Variants in FKBP5 observed in about 807,000 individuals in gnomAD.
FKBP5 encodes the protein FKBP prolyl isomerase 5, also known as peptidyl-prolyl cis-trans isomerase FKBP5.
In FKBP5, 23 loss-of-function variants were observed where a neutral mutation model predicts 50.5. The observed-to-expected ratio is 0.46, with a 90% CI of 0.33 to 0.65. The LOEUF (loss-of-function observed/expected upper bound fraction) is 0.65. FKBP5 is among the 30% of genes least tolerant of loss of function. The pLI is 0.02. For synonymous variants in FKBP5, 176 were observed against 190.6 expected (o/e 0.92, Z 0.63); for missense variants, 411 against 553.1 (o/e 0.74, Z 2.58).
At chr6:35,645,381 G>A (rs1396194672) in intron 1 of FKBP5, among the ~76,000 whole-genome samples, 3 of 152,162 alleles carry the variant, frequency 2.0e-5, no homozygotes, top group African/African-American at 7.2e-5. Flanking sequence ...GCAGTGAACT[G>A]TGATCATGCC....
intron 2 of FKBP5, among the ~76,000 whole-genome samples, chr6:35,702,616 C>A (rs912823502): frequency 2.6e-5 from 4 of 151,986 alleles, no homozygotes; most frequent in African/African-American, 4.8e-5. Flanking sequence ...CCACGCCCGG[C>A]TAATTTTTTG....
intron 5 of FKBP5, among the ~76,000 whole-genome samples, chr6:35,613,067 C>T (rs1763538694): frequency 6.6e-6 from 1 of 152,192 alleles, no homozygotes; most frequent in African/African-American, 2.4e-5. Context: ...TATCTGTCCC[C>T]TCCTCCATAC....
chr6:35,650,177 A>C (rs547609326), intron 1 of FKBP5, among the ~76,000 whole-genome samples: 7 of 151,922 alleles, frequency 4.6e-5, no homozygotes, highest in Non-Finnish European at 1.0e-4. Flanking sequence ...GTGAGACCCG[A>C]TCTCTGCTAA....
chr6:35,633,561 GA>G (rs77069045), intron 3 of FKBP5, among the ~76,000 whole-genome samples: 16 of 136,582 alleles, frequency 1.2e-4, no homozygotes, highest in Non-Finnish European at 1.8e-4. Flanking sequence ...AAAAAAAAAG[GA>G]AAAAAAAAAC....
At chr6:35,647,853 G>A (rs1414622328) in intron 1 of FKBP5, among the ~76,000 whole-genome samples, 2 of 152,192 alleles carry the variant, frequency 1.3e-5, no homozygotes, top group African/African-American at 2.4e-5. Context: ...CAGGGGCCTT[G>A]ATATTCTGGC....
chr6:35,696,093 C>T (rs1012772630), intron 2 of FKBP5, among the ~76,000 whole-genome samples: 6 of 137,584 alleles, frequency 4.4e-5, no homozygotes, highest in Non-Finnish European at 9.2e-5. Context: ...TGCGGTGAAC[C>T]GAGATCGTGC....
At position 35,668,284 on chromosome 6, in the gene FKBP5, T is replaced by C. The variant is rs563654361; in HGVS notation, c.-20+20520A>G. On this transcript the variant is annotated intron_variant, in intron 1 of 10. Transcript: ENST00000357266. ...TATGCTGGAAACAGCATCCCGGGAC[T>C]TTCCTCTGGGAAGCCCTGCTTCTCC... Among the ~76,000 whole-genome samples, 10 of 152,312 alleles carry C rather than the reference T, an allele frequency of 6.6e-5. No individual in the cohort carries two copies. In the South Asian group the frequency reaches 1.9e-3, roughly 28 times the overall value.
chr6:35,641,503 A>G (rs911589965), intron 2 of FKBP5, among the ~76,000 whole-genome samples: 3 of 152,220 alleles, frequency 2.0e-5, no homozygotes, highest in African/African-American at 7.2e-5. Context: ...TGGCACCACT[A>G]GGCCATAGGA....
At chr6:35,587,255 C>T in intron 7 of FKBP5, 138 bp from the exon 8 acceptor site, 1 of 749,126 alleles carries the variant, frequency 1.3e-6, no homozygotes, top group Non-Finnish European at 2.3e-6. Flanking sequence ...TGTGTCAGTG[C>T]CAATTTACTG....
At chr6:35,620,034 C>T in intron 4 of FKBP5, 98 bp downstream of exon 4, 1 of 1,433,004 alleles carries the variant, frequency 7.0e-7, no homozygotes, top group Non-Finnish European at 9.7e-7. Flanking sequence ...ATCTGATTCT[C>T]TATAGCAAGC....
At chr6:35,639,922 T>C (rs775655295) in intron 2 of FKBP5, among the ~76,000 whole-genome samples, 7 of 152,210 alleles carry the variant, frequency 4.6e-5, no homozygotes, top group Non-Finnish European at 8.8e-5. Context: ...AAAACTTACA[T>C]GTGTTAACAA....
chr6:35,626,059 G>A (rs1251343925), intron 3 of FKBP5, among the ~76,000 whole-genome samples: 2 of 152,060 alleles, frequency 1.3e-5, no homozygotes, highest in Non-Finnish European at 2.9e-5. Flanking sequence ...GATTACAGGC[G>A]TGAGCCACCG....
chr6:35,640,369 G>GC (rs1764449186), intron 2 of FKBP5, among the ~76,000 whole-genome samples: 1 of 151,970 alleles, frequency 6.6e-6, no homozygotes, highest in Non-Finnish European at 1.5e-5. Flanking sequence ...CATAGAAAAA[G>GC]GTACAGTAAT....
intron 2 of FKBP5, among the ~76,000 whole-genome samples, chr6:35,698,213 A>G (rs186735047): frequency 4.3e-4 from 66 of 152,248 alleles, no homozygotes; most frequent in Admixed American, 9.8e-4. Context: ...GTGGTGCCGC[A>G]TGCCTGTAAT....
intron 5 of FKBP5, among the ~76,000 whole-genome samples, chr6:35,601,749 A>G (rs140906950): frequency 1.2e-3 from 184 of 152,308 alleles, no homozygotes; most frequent in African/African-American, 4.2e-3. Context: ...GCTAATCCCA[A>G]CCAGCATGAT....
chr6:35,605,882 C>G (rs770478297), intron 5 of FKBP5, among the ~76,000 whole-genome samples: 8 of 152,162 alleles, frequency 5.3e-5, no homozygotes, highest in Admixed American at 2.6e-4. Flanking sequence ...AATAGGAAAC[C>G]AGACGTCTAC....
At chr6:35,608,499 A>T (rs1261846777) in intron 5 of FKBP5, among the ~76,000 whole-genome samples, 1 of 152,138 alleles carries the variant, frequency 6.6e-6, no homozygotes, top group Non-Finnish European at 1.5e-5. Flanking sequence ...GTTCAAGACC[A>T]GCTTGAGCAA....
intron 1 of FKBP5, among the ~76,000 whole-genome samples, chr6:35,651,552 C>G (rs1316750189): frequency 6.6e-6 from 1 of 152,058 alleles, no homozygotes; most frequent in South Asian, 2.1e-4. Context: ...AGATTCTACA[C>G]AATAATTAAG....
intron 1 of FKBP5, among the ~76,000 whole-genome samples, chr6:35,684,144 T>C (rs934822721): frequency 6.6e-6 from 1 of 152,122 alleles, no homozygotes; most frequent in Non-Finnish European, 1.5e-5. Flanking sequence ...TATTTCACTT[T>C]GAAAATACAT....
Sources: gnomAD v4.1 joint callset for allele counts (sites outside exome capture counted in the v4.1 genomes callset) on GRCh38, gnomAD v4.1.1 for gene constraint, MANE v1.5 for transcripts, NCBI Gene and HGNC (gene_info 2026-07-23, HGNC 2026-07-21) for gene names.